The following BAHD1 variants were observed in gnomAD, a reference collection of about 807,000 sequenced individuals.
BAHD1 encodes the protein bromo adjacent homology domain-containing 1 protein.
BAHD1 carries 20 observed loss-of-function variants against 63.1 expected under a neutral mutation model. The ratio of observed to expected loss-of-function variants is 0.32; its 90% CI spans 0.22 to 0.46. The LOEUF (loss-of-function observed/expected upper bound fraction) is 0.46. Among genes scored for constraint, BAHD1 ranks in the 20% least tolerant of loss-of-function variants. The pLI is 1.00. For synonymous variants in BAHD1, 408 were observed against 426.8 expected (o/e 0.96, Z 0.54); for missense variants, 939 against 1,071.8 (o/e 0.88, Z 1.73).
chr15:40,454,863 A>G (rs960308438), intron 1 of BAHD1, among the ~76,000 whole-genome samples: 41 of 152,086 alleles, frequency 2.7e-4, no homozygotes, highest in Non-Finnish European at 1.0e-4. Context: ...AACCAAGCCT[A>G]CCACTTTGCT....
upstream of BAHD1, chr15:40,440,103 G>C (rs1291716665): frequency 1.3e-5 from 2 of 152,436 alleles, no homozygotes; most frequent in Non-Finnish European, 2.9e-5. Flanking sequence ...GAGGGTGTGT[G>C]GGTGTCAAGG....
At chr15:40,465,150 C>T (rs1322701160) in intron 5 of BAHD1, 185 bp from the exon 6 acceptor site, 2 of 604,328 alleles carry the variant, frequency 3.3e-6, no homozygotes, top group Admixed American at 5.5e-5. Context: ...AAGGGGGGGA[C>T]CTAGAAGGGA....
intron 1 of BAHD1, among the ~76,000 whole-genome samples, chr15:40,457,623 A>ACTGT (rs1348785517): frequency 4.6e-5 from 7 of 152,128 alleles, no homozygotes; most frequent in Admixed American, 3.3e-4. Flanking sequence ...TCAGCTCTTC[A>ACTGT]CTGTCTGTCT....
chr15:40,454,910 C>T (rs1178984787), intron 1 of BAHD1, among the ~76,000 whole-genome samples: 1 of 152,202 alleles, frequency 6.6e-6, no homozygotes, highest in Non-Finnish European at 1.5e-5. Context: ...GTAGCTGGGC[C>T]ATCCCTTGTG....
upstream of BAHD1, among the ~76,000 whole-genome samples, chr15:40,438,988 G>A (rs1374913189): frequency 6.6e-6 from 1 of 152,216 alleles, no homozygotes; most frequent in Non-Finnish European, 1.5e-5. Context: ...GCCACCGTGG[G>A]GTTAATTTGC....
rs533545554 is a variant in BAHD1, at chr15:40,458,300, G to A, written c.-14-151G>A. On this transcript the variant is annotated intron_variant, in intron 1 of 6. Transcript: ENST00000416165. The surrounding 1 kb of genome is among the most constrained non-coding windows in gnomAD (Gnocchi z 4.7). ...GATTCCACTGCCCCTTCACACTCTGGAAAGGGAGTCCCAGGAAAATCCATA... is the reference window on the plus strand; with the variant it reads ...GATTCCACTGCCCCTTCACACTCTGAAAAGGGAGTCCCAGGAAAATCCATA... Among the ~76,000 whole-genome samples, 42 of 152,306 alleles carry A rather than the reference G, an allele frequency of 2.8e-4. No individual in the cohort carries two copies. Among genetic ancestry groups the A allele is most frequent in the Middle Eastern group, 3.4e-3 (1 of 294 alleles).
At chr15:40,454,005 C>A (rs1595854507) in intron 1 of BAHD1, 1 of 152,466 alleles carries the variant, frequency 6.6e-6, no homozygotes, top group African/African-American at 2.4e-5. Context: ...AAAAGAAAAA[C>A]CAAAGAAGCC....
intron 1 of BAHD1, among the ~76,000 whole-genome samples, chr15:40,452,054 A>G (rs928875291): frequency 1.3e-5 from 2 of 152,224 alleles, no homozygotes; most frequent in African/African-American, 2.4e-5. Flanking sequence ...TATGAGAGGT[A>G]TACTCTTGTT....
At chr15:40,464,306 A>G in intron 4 of BAHD1, 165 bp from the exon 5 acceptor site, 2 of 676,128 alleles carry the variant, frequency 3.0e-6, no homozygotes, top group East Asian at 5.4e-5. Context: ...CATGCCTAAC[A>G]GCATTCCAGG....
chr15:40,464,626 A>G, intron 5 of BAHD1, 79 bp downstream of exon 5: 3 of 1,256,740 alleles, frequency 2.4e-6, no homozygotes, highest in South Asian at 1.3e-5. Flanking sequence ...TGGTAGGGGG[A>G]GGGCAGCCAT....
At chr15:40,461,564 C>T (rs530184142) in intron 2 of BAHD1, among the ~76,000 whole-genome samples, 2 of 151,970 alleles carry the variant, frequency 1.3e-5, no homozygotes, top group African/African-American at 2.4e-5. Context: ...TGCTTGAACC[C>T]GAGAGGCGGA....
rs889220640 is a variant in BAHD1 at position 40,458,088 on chromosome 15, A to G, written c.-14-363A>G. ...GGCTCTGTCTTCAGAGCCTCTTCCT[A>G]TCCTGTGATGAATATCTAGTGAGAG... On this transcript the variant is annotated intron_variant, in intron 1 of 6. Transcript: ENST00000416165. The surrounding 1 kb of genome is among the most constrained non-coding windows in gnomAD (Gnocchi z 4.7). 3.3e-5 allele frequency among the ~76,000 whole-genome samples: 5 copies of G among 152,156 alleles called. No individual in the cohort carries two copies. Among genetic ancestry groups the G allele is most frequent in the Non-Finnish European group, 5.9e-5 (4 of 68,018 alleles).
chr15:40,440,350 C>CGGGGGAGG (rs1186976655), upstream of BAHD1, among the ~76,000 whole-genome samples: 1 of 151,936 alleles, frequency 6.6e-6, no homozygotes, highest in Non-Finnish European at 1.5e-5. Context: ...TCTCAGCAGT[C>CGGGGGAGG]GGGGCCCTTT....
At chr15:40,463,645 C>T (rs73389005) in intron 3 of BAHD1, among the ~76,000 whole-genome samples, 2,204 of 152,274 alleles carry the variant, frequency 0.014, 60 homozygotes, top group African/African-American at 0.051. Context: ...GCCCCAGAAG[C>T]TTCAGGCCAC....
At chr15:40,462,652 G>A (rs1266154087) in intron 3 of BAHD1, among the ~76,000 whole-genome samples, 1 of 152,114 alleles carries the variant, frequency 6.6e-6, no homozygotes, top group East Asian at 1.9e-4. Flanking sequence ...CTATATAGGG[G>A]GCGTTGGAAT....
upstream of BAHD1, among the ~76,000 whole-genome samples, chr15:40,438,033 C>T (rs753926179): frequency 2.6e-5 from 4 of 152,106 alleles, no homozygotes; most frequent in East Asian, 1.9e-4. Context: ...TCCGGAGACC[C>T]GATGGACCCA....
Position 40,459,197 on chromosome 15 carries a change from C to A in BAHD1, c.733C>A (p.Pro245Thr), listed in dbSNP as rs770270212. The A allele has an allele frequency of 1.2e-6, 2 of 1,612,146 alleles. No individual in the cohort carries two copies. The highest frequency in any genetic ancestry group is 1.7e-6 in the Non-Finnish European group (2 of 1,179,270). Residue 245 changes from proline (P) to threonine (T), a missense_variant, in exon 2 of 7, where the codon CCG becomes ACG. By Grantham distance (38) the Pro-to-Thr change is conservative (BLOSUM62 -1). Coordinates refer to ENST00000416165, the MANE Select transcript of BAHD1 (RefSeq NM_014952.5). Reference protein sequence around the residue: ...RSTEPPAPKAPRPKWPKVNGK... With the variant: ...RSTEPPAPKATRPKWPKVNGK... ...CACTGAGCCCCCAGCACCCAAGGCC[C>A]CGAGGCCAAAGTGGCCCAAGGTCAA...
intron 1 of BAHD1, among the ~76,000 whole-genome samples, chr15:40,452,633 C>T (rs1893739610): frequency 6.6e-6 from 1 of 152,044 alleles, no homozygotes; most frequent in Non-Finnish European, 1.5e-5. Context: ...CTTCCAGGCC[C>T]TCACCCTTGT....
At chr15:40,465,062 C>A in intron 5 of BAHD1, 1 of 501,258 alleles carries the variant, frequency 2.0e-6, no homozygotes, top group East Asian at 3.5e-5. Context: ...CATTTCCCCT[C>A]TCCTACGCTA....
Sources: allele counts gnomAD v4.1 joint callset (sites outside exome capture counted in the v4.1 genomes callset), GRCh38; gene constraint gnomAD v4.1.1; non-coding constraint Gnocchi (gnomAD v3.1); transcripts MANE v1.5; gene names NCBI Gene and HGNC (gene_info 2026-07-23, HGNC 2026-07-21).